Variants in SRGAP2C observed in about 807,000 individuals in gnomAD.
The protein encoded by SRGAP2C is SLIT-ROBO Rho GTPase activating protein 2C, also known as SLIT-ROBO Rho GTPase-activating protein 2C.
Under a neutral mutation model 25.1 loss-of-function variants are expected in SRGAP2C, and 15 were observed. The ratio of observed to expected loss-of-function variants is 0.60; its 90% CI spans 0.40 to 0.92. The LOEUF (loss-of-function observed/expected upper bound fraction) is 0.92, where lower values mean the gene tolerates loss of function less well. SRGAP2C is among the 40% of genes least tolerant of loss of function. SRGAP2C has a pLI of 0.00. For missense variants in SRGAP2C, 144 were observed against 264.4 expected, an observed-to-expected ratio of 0.54 and a Z score of 3.16; for synonymous variants, 44 against 96.6, an observed-to-expected ratio of 0.46 and a Z score of 3.19.
At position 121,305,156 on chromosome 1, in the gene SRGAP2C, G is replaced by A. The variant is rs1339651315; in HGVS notation, c.261-19322G>A. The stretch of plus-strand genomic sequence containing the variant: ...CTAAGCCTGCTCCTAGGTTCTCCTT[G>A]CCATTCTCCCTGATCACCTCTTTTG... On this transcript the variant is annotated intron_variant, in intron 3 of 9. Transcript: ENST00000367123. Among the ~76,000 whole-genome samples the A allele has an allele frequency of 3.6e-4, 55 of 151,212 alleles. 1 individual carries two copies. The highest frequency in any genetic ancestry group is 4.0e-4 in the Admixed American group (6 of 15,158).
At chr1:121,306,149 G>T (rs1657831906) in intron 3 of SRGAP2C, among the ~76,000 whole-genome samples, 1 of 151,624 alleles carries the variant, frequency 6.6e-6, no homozygotes, top group Non-Finnish European at 1.5e-5. Flanking sequence ...TCACCAGCTT[G>T]CAAATAAAGT....
chr1:121,258,279 G>A (rs1656527695), intron 2 of SRGAP2C, among the ~76,000 whole-genome samples: 1 of 151,678 alleles, frequency 6.6e-6, no homozygotes, highest in African/African-American at 2.4e-5. Flanking sequence ...GGAGTAGATG[G>A]ATGAGGAGTC....
intron 4 of SRGAP2C, chr1:121,361,219 G>A (rs1659184606): frequency 1.1e-5 from 1 of 92,722 alleles, no homozygotes; most frequent in Non-Finnish European, 2.3e-5. Context: ...TAAATAACTA[G>A]AGAATCGGTA....
intron 3 of SRGAP2C, chr1:121,315,079 T>C (rs1486828153): frequency 0.31 from 197,730 of 635,462 alleles, 52,793 homozygotes; most frequent in East Asian, 0.64. Context: ...GGTGAGGAAC[T>C]GGCGGGGTGA....
rs1218465418 is a variant in SRGAP2C at position 121,302,631 on chromosome 1, TATCTA to T, written c.260+17640_260+17644del. Among the ~76,000 whole-genome samples, 59 of 98,500 alleles carry T rather than the reference TATCTA, an allele frequency of 6.0e-4. 1 individual carries two copies. The highest frequency in any genetic ancestry group is 2.0e-3 in the African/African-American group (50 of 24,594). The allele number at this position is 98,500 out of a possible 152,430, so 64.6% of individuals were successfully genotyped here. On this transcript the variant is annotated intron_variant, in intron 3 of 9. Coordinates refer to ENST00000367123, the MANE Select transcript of SRGAP2C (RefSeq NM_001329984.2). ...GACATACAGATTGATACAATACTAT[TATCTA>T]ATCAATAGACATTCAGATTTTACCA...
At chr1:121,371,263 ATATC>A (rs1360487565) in intron 5 of SRGAP2C, among the ~76,000 whole-genome samples, 3 of 140,984 alleles carry the variant, frequency 2.1e-5, no homozygotes, top group Middle Eastern at 3.6e-3. Flanking sequence ...ATAGATATAT[ATATC>A]TAAGTCCTAT....
intron 4 of SRGAP2C, among the ~76,000 whole-genome samples, chr1:121,339,433 T>C (rs1207336741): frequency 6.7e-6 from 1 of 148,854 alleles, no homozygotes; most frequent in Non-Finnish European, 1.5e-5. Context: ...TTTGTGTTTT[T>C]TTAGTAGAGG....
chr1:121,191,294 A>T lies in SRGAP2C; in HGVS notation c.67+3781A>T, dbSNP rs587707833. Among the ~76,000 whole-genome samples, 351 of 152,180 alleles carry T rather than the reference A, an allele frequency of 2.3e-3. 1 individual carries two copies. The highest frequency in any genetic ancestry group is 8.2e-3 in the African/African-American group (342 of 41,522). ...GTATTTACGTATAACCTATGTACAC[A>T]CATCCTTCTGTATACTTTAAATCAT... is the stretch of plus-strand genomic sequence containing the variant. On this transcript the variant is annotated intron_variant, in intron 2 of 9. Coordinates refer to ENST00000367123, the MANE Select transcript of SRGAP2C (RefSeq NM_001329984.2).
At chr1:121,335,265 C>T (rs1212874181) in intron 4 of SRGAP2C, among the ~76,000 whole-genome samples, 60 of 148,872 alleles carry the variant, frequency 4.0e-4, no homozygotes, top group African/African-American at 1.4e-3. Flanking sequence ...CACTTGAACC[C>T]GGAAGGTGGA....
At chr1:121,222,168 T>C (rs1245786771) in intron 2 of SRGAP2C, among the ~76,000 whole-genome samples, 1 of 152,128 alleles carries the variant, frequency 6.6e-6, no homozygotes, top group Non-Finnish European at 1.5e-5. Flanking sequence ...GTGAGGAAAC[T>C]AAGGCTCAGA....
chr1:121,379,006 A>G (rs1355009065), intron 7 of SRGAP2C, among the ~76,000 whole-genome samples: 1 of 152,092 alleles, frequency 6.6e-6, no homozygotes, highest in African/African-American at 2.4e-5. Context: ...TTCCTCCCCC[A>G]TACTCTTCTG....
At chr1:121,267,582 GGA>G (rs1291829339) in intron 2 of SRGAP2C, among the ~76,000 whole-genome samples, 1 of 131,554 alleles carries the variant, frequency 7.6e-6, no homozygotes, top group Admixed American at 7.8e-5. Flanking sequence ...ATTATAGTGG[GGA>G]GTAAAATTTA....
intron 2 of SRGAP2C, among the ~76,000 whole-genome samples, chr1:121,225,999 C>A (rs1440380112): frequency 2.6e-5 from 4 of 151,440 alleles, no homozygotes; most frequent in African/African-American, 9.7e-5. Context: ...GCCACCACGC[C>A]CGGCAAAACA....
chr1:121,266,096 T>C (rs1320812289), intron 2 of SRGAP2C, among the ~76,000 whole-genome samples: 1 of 151,692 alleles, frequency 6.6e-6, no homozygotes, highest in Non-Finnish European at 1.5e-5. Context: ...TGCCTCAGAC[T>C]CCCGAGTAGC....
rs1481382862 is a variant in SRGAP2C at position 121,317,968 on chromosome 1, G to A, written c.261-6510G>A. ...ATTTTTGCCTTTGGCACTTTTCTCT[G>A]TCTCTGAACTCTCCTCCTCTGATCT... On this transcript the variant is annotated intron_variant, in intron 3 of 9. Transcript: ENST00000367123. Among the ~76,000 whole-genome samples, 2 of 77,520 alleles carry A rather than the reference G, an allele frequency of 2.6e-5. 1 individual carries two copies. The highest frequency in any genetic ancestry group is 5.1e-5 in the Non-Finnish European group (2 of 39,128). The allele number at this position is 77,520 out of a possible 152,430, so 50.9% of individuals were successfully genotyped here. A position where few individuals can be genotyped will look rare whatever the true frequency, so the allele number is the denominator to read the frequency against.
At chr1:121,313,829 C>T (rs1658021721) in intron 3 of SRGAP2C, among the ~76,000 whole-genome samples, 2 of 132,556 alleles carry the variant, frequency 1.5e-5, no homozygotes, top group Non-Finnish European at 3.3e-5. Flanking sequence ...TTGAGGGTAA[C>T]CCGACCTTTC....
chr1:121,388,016 T>TAACA lies in SRGAP2C; in HGVS notation c.*162_*165dup, dbSNP rs1454400666. ...GCAAACATTAAAAGTTGTATATGTCTAACAGGGATCCGCCCAAGAGAAAGG... is the reference window on the plus strand; with the variant it reads ...GCAAACATTAAAAGTTGTATATGTCTAACAAACAGGGATCCGCCCAAGAGAAAGG... On this transcript the variant is annotated 3_prime_UTR_variant, in exon 10 of 10. Transcript: ENST00000367123. 1.7e-6 allele frequency: 1 copy of TAACA among 583,624 alleles called. No homozygotes were observed. The highest frequency in any genetic ancestry group is 2.0e-5 in the African/African-American group (1 of 50,442). The allele number at this position is 583,624 out of a possible 1,614,324, so 36.2% of individuals were successfully genotyped here.
At chr1:121,278,055 C>A (rs1657147486) in intron 2 of SRGAP2C, among the ~76,000 whole-genome samples, 3 of 150,488 alleles carry the variant, frequency 2.0e-5, no homozygotes, top group African/African-American at 7.3e-5. Flanking sequence ...AGCCTCCCAC[C>A]TCAGCCTCCC....
chr1:121,273,628 A>G (rs1657031564), intron 2 of SRGAP2C, among the ~76,000 whole-genome samples: 1 of 151,444 alleles, frequency 6.6e-6, no homozygotes, highest in Non-Finnish European at 1.5e-5. Flanking sequence ...TAGCTTCATG[A>G]GAGGATGATT....
Sources: gnomAD v4.1 joint callset for allele counts (sites outside exome capture counted in the v4.1 genomes callset) on GRCh38, gnomAD v4.1.1 for gene constraint, MANE v1.5 for transcripts, NCBI Gene and HGNC (gene_info 2026-07-23, HGNC 2026-07-21) for gene names.